RXFP1: variants seen among roughly 807,000 people sequenced by gnomAD.
The protein encoded by RXFP1 is relaxin receptor 1.
In RXFP1, 73 loss-of-function variants were observed where a neutral mutation model predicts 89.8. That is an observed-to-expected ratio of 0.81 (90% confidence interval 0.67 to 0.99). The LOEUF (loss-of-function observed/expected upper bound fraction) is 0.99. RXFP1 is among the 50% of genes least tolerant of loss of function. The pLI, the probability that RXFP1 is intolerant of heterozygous loss-of-function variation, is 0.00. For synonymous variants in RXFP1, 277 were observed against 305.5 expected, an observed-to-expected ratio of 0.91 and a Z score of 0.97; for missense variants, 793 against 895.5, an observed-to-expected ratio of 0.89 and a Z score of 1.46.
chr4:158,530,384 T>C (rs1023750099), intron 1 of RXFP1, among the ~76,000 whole-genome samples: 1 of 152,330 alleles, frequency 6.6e-6, no homozygotes, highest in South Asian at 2.1e-4. Flanking sequence ...CCTCAGATTC[T>C]TTTTATCCTC....
intron 2 of RXFP1, among the ~76,000 whole-genome samples, chr4:158,580,733 A>G (rs1375435475): frequency 6.6e-6 from 1 of 152,168 alleles, no homozygotes; most frequent in Non-Finnish European, 1.5e-5. Flanking sequence ...CAATTTTGCC[A>G]TTCACTGAAT....
intron 2 of RXFP1, among the ~76,000 whole-genome samples, chr4:158,590,162 T>C (rs1162898017): frequency 6.6e-6 from 1 of 152,156 alleles, no homozygotes; most frequent in East Asian, 1.9e-4. Flanking sequence ...AGTCCTAAGC[T>C]AAGGCCACAA....
At chr4:158,637,194 GC>G (rs1241726247) in intron 12 of RXFP1, among the ~76,000 whole-genome samples, 1 of 152,164 alleles carries the variant, frequency 6.6e-6, no homozygotes, top group African/African-American at 2.4e-5. Context: ...GAATAATGCT[GC>G]AATGAATATG....
intron 4 of RXFP1, among the ~76,000 whole-genome samples, chr4:158,600,625 A>G (rs983981874): frequency 6.6e-6 from 1 of 152,162 alleles, no homozygotes; most frequent in African/African-American, 2.4e-5. Flanking sequence ...ATAAGAATTT[A>G]TGAATAGTCT....
chr4:158,583,334 A>G, intron 2 of RXFP1, among the ~76,000 whole-genome samples: 1 of 152,258 alleles, frequency 6.6e-6, no homozygotes, highest in East Asian at 1.9e-4. Context: ...AGCTATCAGA[A>G]TGATGGCAAT....
chr4:158,626,740 T>C (rs1043669377), intron 9 of RXFP1, 80 bp from the exon 10 acceptor site: 4 of 842,318 alleles, frequency 4.7e-6, no homozygotes, highest in Non-Finnish European at 7.5e-6. Flanking sequence ...AGATATTTTA[T>C]TAGAAGGCAA....
chr4:158,526,276 A>G (rs1346732264), intron 1 of RXFP1, among the ~76,000 whole-genome samples: 1 of 152,254 alleles, frequency 6.6e-6, no homozygotes, highest in East Asian at 1.9e-4. Context: ...TTAGCTATAC[A>G]TACAGCAAGT....
chr4:158,568,872 C>T (rs1484734579), intron 1 of RXFP1, among the ~76,000 whole-genome samples: 2 of 152,154 alleles, frequency 1.3e-5, no homozygotes, highest in African/African-American at 2.4e-5. Context: ...ATGCTTTGAT[C>T]ATTGACCCCA....
intron 6 of RXFP1, among the ~76,000 whole-genome samples, chr4:158,611,908 CATGAATAGATGA>C (rs1036778568): frequency 3.3e-5 from 5 of 152,068 alleles, no homozygotes; most frequent in African/African-American, 1.2e-4. Flanking sequence ...TTAATGAATA[CATGAATAGATGA>C]ATGAATAGAT....
intron 9 of RXFP1, among the ~76,000 whole-genome samples, chr4:158,618,014 T>C (rs1691418498): frequency 6.6e-6 from 1 of 152,066 alleles, no homozygotes; most frequent in South Asian, 2.1e-4. Context: ...TAAAAAGCAA[T>C]GACAGTAATT....
chr4:158,548,835 A>T (rs989547398), intron 1 of RXFP1, among the ~76,000 whole-genome samples: 1 of 152,132 alleles, frequency 6.6e-6, no homozygotes, highest in Admixed American at 6.5e-5. Flanking sequence ...TAGTCTCATG[A>T]GCTTCCCTTT....
chr4:158,593,634 G>A (rs151172101), intron 3 of RXFP1, 135 bp downstream of exon 3: 49 of 536,332 alleles, frequency 9.1e-5, no homozygotes, highest in East Asian at 4.4e-4. Context: ...TTAAAAATTC[G>A]TAAGAGGTCA....
intron 11 of RXFP1, among the ~76,000 whole-genome samples, chr4:158,630,433 G>A (rs535051339): frequency 1.5e-4 from 23 of 152,320 alleles, no homozygotes; most frequent in African/African-American, 5.5e-4. Context: ...ATACAAGTTA[G>A]TCAAGGAATA....
At position 158,639,270 on chromosome 4, in the gene RXFP1, G is replaced by A. The variant is rs751091154; in HGVS notation, c.1054G>A (p.Gly352Arg). The change falls in exon 14 of 18, where the codon GGG becomes AGG. Residue 352 changes from glycine to arginine, a missense_variant. Coordinates refer to ENST00000307765, the MANE Select transcript of RXFP1 (RefSeq NM_021634.4). ...LVKLKSLSLE[G>R]IEISNIQQRM... ...ATTTGATATTTTTAGCAGCCTAGAA[G>A]GGATTGAAATTTCAAATATCCAACA... 1.3e-6 allele frequency: 2 copies of A among 1,544,778 alleles called. No individual in the cohort carries two copies. The highest frequency in any genetic ancestry group is 1.8e-6 in the Non-Finnish European group (2 of 1,117,260).
At chr4:158,632,688 C>T (rs1768302284) in intron 11 of RXFP1, among the ~76,000 whole-genome samples, 1 of 152,074 alleles carries the variant, frequency 6.6e-6, no homozygotes, top group African/African-American at 2.4e-5. Flanking sequence ...AATATGAGAG[C>T]CTGTGTATAT....
At chr4:158,568,923 C>G (rs1255414222) in intron 1 of RXFP1, among the ~76,000 whole-genome samples, 3 of 152,214 alleles carry the variant, frequency 2.0e-5, no homozygotes, top group Admixed American at 2.0e-4. Context: ...ATTATTCAAA[C>G]TATTCTGTTC....
At chr4:158,544,304 C>A (rs1747627604) in intron 1 of RXFP1, 1 of 984,912 alleles carries the variant, frequency 1.0e-6, no homozygotes, top group African/African-American at 1.7e-5. Context: ...ATGCCCTGAG[C>A]AACAAAAACA....
chr4:158,566,930 G>A (rs978623017), intron 1 of RXFP1, among the ~76,000 whole-genome samples: 14 of 152,220 alleles, frequency 9.2e-5, no homozygotes, highest in Non-Finnish European at 1.2e-4. Context: ...CTCAGCTTGC[G>A]GGGAGGTGTG....
intron 4 of RXFP1, among the ~76,000 whole-genome samples, chr4:158,599,852 G>C (rs1386406460): frequency 2.0e-5 from 3 of 152,058 alleles, no homozygotes; most frequent in Non-Finnish European, 4.4e-5. Flanking sequence ...AGTTAAAAAA[G>C]AAAATAAGGT....
Sources: gnomAD v4.1 joint callset for allele counts (sites outside exome capture counted in the v4.1 genomes callset) on GRCh38, gnomAD v4.1.1 for gene constraint, MANE v1.5 for transcripts, NCBI Gene and HGNC (gene_info 2026-07-23, HGNC 2026-07-21) for gene names.